HEATR1: variants seen among roughly 807,000 people sequenced by gnomAD.
HEATR1 encodes the protein HEAT repeat-containing protein 1.
In HEATR1, 77 loss-of-function variants were observed where a neutral mutation model predicts 248.2. That is an observed-to-expected ratio of 0.31 (90% CI 0.26 to 0.37). The LOEUF is 0.37. HEATR1 is among the 10% of genes least tolerant of loss of function. HEATR1 has a pLI of 1.00. For synonymous variants in HEATR1, 897 were observed against 923.1 expected (o/e 0.97, Z 0.51); for missense variants, 2,420 against 2,504.9 (o/e 0.97, Z 0.72).
intron 5 of HEATR1, among the ~76,000 whole-genome samples, chr1:236,597,197 C>T (rs1664200048): frequency 6.6e-6 from 1 of 150,586 alleles, no homozygotes; most frequent in South Asian, 2.1e-4. Context: ...ACAATGAATA[C>T]ACAATGTGAC....
At position 236,574,846 on chromosome 1, in the gene HEATR1, C is replaced by T. The variant is rs1558184403; in HGVS notation, c.3142G>A (p.Glu1048Lys). The T allele has an allele frequency of 6.2e-7, 1 of 1,613,840 alleles. No individual in the cohort carries two copies. The highest frequency in any genetic ancestry group is 1.3e-5 in the African/African-American group (1 of 75,024). ...TCATCTTTCAGCACAGCTGTGGGCTCCTTCTGGATCTTTTCTAGCAGTTGT... is the reference window on the plus strand; with the variant it reads ...TCATCTTTCAGCACAGCTGTGGGCTTCTTCTGGATCTTTTCTAGCAGTTGT... ...AEQLLEKIQK[E>K]PTAVLKDEAM... The change falls in exon 23 of 45, where the codon GAG becomes AAG. Residue 1048 changes from glutamate (E) to lysine (K), a missense_variant. Coordinates refer to ENST00000366582, the MANE Select transcript of HEATR1 (RefSeq NM_018072.6).
At chr1:236,603,445 C>G (rs55704209) in intron 2 of HEATR1, 69 bp from the exon 3 acceptor site, 25,932 of 1,242,092 alleles carry the variant, frequency 0.021, 349 homozygotes, top group Middle Eastern at 0.045. Context: ...CCCTCTTTTA[C>G]AGTTTTACTT....
In HEATR1 at chr1:236,574,862, T is replaced by C. The variant is rs1369027737; in HGVS notation, c.3126A>G (p.Leu1042=). The C allele has an allele frequency of 2.5e-6, 4 of 1,613,882 alleles. No individual in the cohort carries two copies. The highest frequency in any genetic ancestry group is 2.2e-5 in the South Asian group (2 of 91,068). ...CTGTGGGCTCCTTCTGGATCTTTTC[T>C]AGCAGTTGTTCAGCCATAGGCAATA... ...SQLLPMAEQL[L]EKIQKEPTAV... Residue 1042 remains leucine, a synonymous_variant, in exon 23 of 45, where the codon CTA becomes CTG. Transcript: ENST00000366582.
At chr1:236,593,925 G>A (rs1056072933) in intron 9 of HEATR1, 87 bp downstream of exon 9, 3 of 829,664 alleles carry the variant, frequency 3.6e-6, no homozygotes, top group Non-Finnish European at 5.9e-6. Context: ...CATTAAAAAG[G>A]AATGCTGGGA....
intron 42 of HEATR1, 120 bp from the exon 43 acceptor site, chr1:236,553,859 G>T (rs939114314): frequency 9.5e-7 from 1 of 1,057,656 alleles, no homozygotes; most frequent in Non-Finnish European, 1.4e-6. Flanking sequence ...TCAAAAACCA[G>T]GCATTATTCT....
At chr1:236,603,099 T>C in intron 3 of HEATR1, 61 bp downstream of exon 3, 1 of 1,290,940 alleles carries the variant, frequency 7.7e-7, no homozygotes, top group Non-Finnish European at 1.1e-6. Context: ...TCTCAACTAC[T>C]TAATTTTTTA....
At chr1:236,573,318 G>C (rs568498407) in intron 24 of HEATR1, among the ~76,000 whole-genome samples, 4 of 152,142 alleles carry the variant, frequency 2.6e-5, no homozygotes, top group Non-Finnish European at 4.4e-5. Flanking sequence ...TAATCAGCTA[G>C]GAAGGAATAA....
intron 24 of HEATR1, 131 bp from the exon 25 acceptor site, chr1:236,572,959 C>T (rs535205424): frequency 2.5e-6 from 2 of 797,222 alleles, no homozygotes; most frequent in Non-Finnish European, 4.1e-6. Context: ...GCATCTGAAC[C>T]CCCCCCAGCA....
At position 236,555,301 on chromosome 1, in the gene HEATR1, T is replaced by C; in HGVS notation, c.5918A>G (p.Lys1973Arg). The change falls in exon 41 of 45, where the codon AAA becomes AGA. Residue 1973 changes from lysine (K) to arginine (R), a missense_variant. Lys to Arg is a conservative substitution (Grantham distance 26). Coordinates refer to ENST00000366582, the MANE Select transcript of HEATR1 (RefSeq NM_018072.6). ...ADTLNQVNISKTDEAFFDSEN... is the reference protein window; with the variant it reads ...ADTLNQVNISRTDEAFFDSEN... ...GAACTGAAGCGACCACCCACCTGTT[T>C]TGGAGATGTTCACCTGGTTCAAGGT... The C allele has an allele frequency of 6.2e-7, 1 of 1,614,052 alleles. No homozygotes were observed.
intron 12 of HEATR1, 38 bp downstream of exon 12, chr1:236,590,809 G>GAA: frequency 1.1e-5 from 12 of 1,098,928 alleles, no homozygotes; most frequent in Admixed American, 2.8e-5. Flanking sequence ...CTCATCATAA[G>GAA]AAAAAAAAAC....
rs780215665 is a variant in HEATR1 at position 236,592,134 on chromosome 1, T to C, written c.1305-24A>G. 1.1e-5 allele frequency: 12 copies of C among 1,139,808 alleles called. No homozygotes were observed. In the South Asian group the frequency reaches 1.6e-4, roughly 15 times the overall value. 70.6% of individuals were successfully genotyped at this position (1,139,808 alleles called of 1,614,324 possible). A position where few individuals can be genotyped will look rare whatever the true frequency, so the allele number is the denominator to read the frequency against. ...ATCTGGGAAGCAATTAAAAAGTGAATTCATTATTCTTAATAAATTTATTAA... is the reference window on the plus strand; with the variant it reads ...ATCTGGGAAGCAATTAAAAAGTGAACTCATTATTCTTAATAAATTTATTAA... On this transcript the variant is annotated intron_variant, in intron 10 of 44. Coordinates refer to ENST00000366582, the MANE Select transcript of HEATR1 (RefSeq NM_018072.6).
rs375951592 is a variant in HEATR1 at position 236,596,846 on chromosome 1, T to G, written c.734A>C (p.Tyr245Ser). Reference sequence around the variant, plus strand: ...ATCAGCAGTGCCAACCTTTTGGATATAGGGAAATAGTTTGGCGATGATATT... The same window carrying G: ...ATCAGCAGTGCCAACCTTTTGGATAGAGGGAAATAGTTTGGCGATGATATT... Reference protein sequence around the residue: ...SDNIIAKLFPYIQKGLKSSLP... With the variant: ...SDNIIAKLFPSIQKGLKSSLP... Residue 245 changes from tyrosine to serine, a missense_variant, in exon 6 of 45, where the codon TAT (tyrosine) becomes TCT (serine). Transcript: ENST00000366582. 1.2e-6 allele frequency: 2 copies of G among 1,612,552 alleles called. No homozygotes were observed. The highest frequency in any genetic ancestry group is 1.7e-6 in the Non-Finnish European group (2 of 1,179,448).
rs61736343 is a variant in HEATR1, at chr1:236,566,665, G to A, written c.4289C>T (p.Ala1430Val). ...TCTGACCTTTTCGCCATAGGCAGCC[G>A]CCAGCACTGTTTTTGTGACATACTG... The part of the protein sequence containing the change: ...FEQYVTKTVL[A>V]AAYGEKDAIL... Residue 1430 changes from alanine to valine, a missense_variant, in exon 30 of 45, where the codon GCG (alanine) becomes GTG (valine). By Grantham distance (64) the Ala-to-Val change is moderately conservative. Transcript: ENST00000366582. 0.02 allele frequency: 32,714 copies of A among 1,613,304 alleles called. 439 individuals are homozygous for A. The highest frequency in any genetic ancestry group is 0.044 in the Middle Eastern group (269 of 6,062).
Position 236,592,760 on chromosome 1 carries a change from C to A in HEATR1, c.1194-127G>T, listed in dbSNP as rs368980420. 2.4e-4 allele frequency: 118 copies of A among 496,432 alleles called. No homozygotes were observed. In the Middle Eastern group the frequency reaches 4.9e-3, roughly 21 times the overall value. The allele number at this position is 496,432 out of a possible 1,614,324, so 30.8% of individuals were successfully genotyped here. A position where few individuals can be genotyped will look rare whatever the true frequency, so the allele number is the denominator to read the frequency against. ...TACTTATACAAGGTATAGTTTAATA[C>A]TTATTTTACAGATAAAGAAACTAGA... On this transcript the variant is annotated intron_variant, in intron 9 of 44. Transcript: ENST00000366582.
At chr1:236,590,321 A>G (rs1377127370) in intron 12 of HEATR1, among the ~76,000 whole-genome samples, 1 of 151,960 alleles carries the variant, frequency 6.6e-6, no homozygotes, top group African/African-American at 2.4e-5. Context: ...TCAACCTCTC[A>G]CACCCAAGAG....
chr1:236,590,824 T>TA, intron 12 of HEATR1, 23 bp downstream of exon 12: 4 of 1,326,564 alleles, frequency 3.0e-6, no homozygotes, highest in South Asian at 3.4e-5. Context: ...AAAAACCATA[T>TA]AAAAAAGCGA....
intron 28 of HEATR1, among the ~76,000 whole-genome samples, chr1:236,570,960 G>T (rs56851188): frequency 0.067 from 10,249 of 152,212 alleles, 506 homozygotes; most frequent in East Asian, 0.14. Flanking sequence ...TTAATTTTCT[G>T]AAGTCACTGG....
intron 10 of HEATR1, 103 bp from the exon 11 acceptor site, chr1:236,592,213 A>T: frequency 1.5e-6 from 1 of 659,420 alleles, no homozygotes; most frequent in Non-Finnish European, 2.6e-6. Flanking sequence ...AAAATTACTG[A>T]GACTGTGACT....
chr1:236,572,206 T>C (rs1663448748), intron 26 of HEATR1, among the ~76,000 whole-genome samples: 1 of 152,212 alleles, frequency 6.6e-6, no homozygotes. Flanking sequence ...TGAGTGGCCA[T>C]TTACTACATG....
Sources: gnomAD v4.1 joint callset for allele counts (sites outside exome capture counted in the v4.1 genomes callset) on GRCh38, gnomAD v4.1.1 for gene constraint, MANE v1.5 for transcripts, NCBI Gene and HGNC (gene_info 2026-07-23, HGNC 2026-07-21) for gene names.